The following WAPL variants were observed in gnomAD, a reference collection of about 807,000 sequenced individuals.
WAPL encodes the protein WAPL cohesin release factor.
In WAPL, 5 loss-of-function variants were observed where a neutral mutation model predicts 121.0. The ratio of observed to expected loss-of-function variants is 0.04; its 90% CI spans 0.02 to 0.09. The LOEUF (loss-of-function observed/expected upper bound fraction) is 0.09. Ranked by LOEUF, WAPL falls within the 10% of genes least tolerant of loss-of-function variation. The pLI is 1.00. For synonymous variants in WAPL, 480 were observed against 481.5 expected, an observed-to-expected ratio of 1.00 and a Z score of 0.04; for missense variants, 999 against 1,410.8, an observed-to-expected ratio of 0.71 and a Z score of 4.68.
Position 86,517,913 on chromosome 10 carries a change from G to T in WAPL, c.157C>A (p.Pro53Thr). 1 of 1,614,086 alleles carries T rather than the reference G, an allele frequency of 6.2e-7. No homozygotes were observed. Among genetic ancestry groups the T allele is most frequent in the Non-Finnish European group, 8.5e-7 (1 of 1,180,012 alleles). Reference sequence around the variant, plus strand: ...TTCTTCGGAATTTCTTGGATATCTGGTTTGAAATTGGGCCTCTTCTGCCCT... The same window carrying T: ...TTCTTCGGAATTTCTTGGATATCTGTTTTGAAATTGGGCCTCTTCTGCCCT... ...KLGQKRPNFK[P>T]DIQEIPKKPK... The change falls in exon 2 of 19, where the codon CCA becomes ACA. Residue 53 changes from proline to threonine, a missense_variant. Coordinates refer to ENST00000298767, the MANE Select transcript of WAPL (RefSeq NM_015045.5).
chr10:86,474,099 C>T, intron 4 of WAPL, 126 bp from the exon 5 acceptor site: 1 of 711,104 alleles, frequency 1.4e-6, no homozygotes, highest in Non-Finnish European at 2.4e-6. Flanking sequence ...TATCTGGGAA[C>T]AGTCCCACCA....
At chr10:86,506,517 G>T (rs1312217116) in intron 2 of WAPL, among the ~76,000 whole-genome samples, 1 of 152,354 alleles carries the variant, frequency 6.6e-6, no homozygotes, top group African/African-American at 2.4e-5. Context: ...GCTCACGCCT[G>T]TAATCCCAGC....
intron 2 of WAPL, among the ~76,000 whole-genome samples, chr10:86,505,367 CTCCACCTCCCACGTTCAAGT>C (rs765733114): frequency 1.0e-3 from 128 of 126,954 alleles, no homozygotes; most frequent in Non-Finnish European, 1.8e-3. Context: ...GTGGTGCAGT[CTCCACCTCCCACGTTCAAGT>C]GATATTCTCC....
intron 4 of WAPL, among the ~76,000 whole-genome samples, chr10:86,493,758 T>C (rs1842095017): frequency 6.6e-6 from 1 of 152,002 alleles, no homozygotes; most frequent in Non-Finnish European, 1.5e-5. Flanking sequence ...TCGCTGGACT[T>C]TGGGAGGCCA....
At chr10:86,451,338 A>C (rs1840972753) in intron 15 of WAPL, among the ~76,000 whole-genome samples, 1 of 152,208 alleles carries the variant, frequency 6.6e-6, no homozygotes, top group Admixed American at 6.5e-5. Context: ...AAATAAAGTA[A>C]GAATGCATTC....
At chr10:86,494,441 G>A (rs1307561329) in intron 4 of WAPL, among the ~76,000 whole-genome samples, 1 of 152,078 alleles carries the variant, frequency 6.6e-6, no homozygotes, top group Admixed American at 6.6e-5. Flanking sequence ...AAAACAAAGA[G>A]TAAATCTGTT....
chr10:86,491,133 G>A (rs959664758), intron 4 of WAPL, among the ~76,000 whole-genome samples: 22 of 126,714 alleles, frequency 1.7e-4, no homozygotes, highest in African/African-American at 6.2e-4. Flanking sequence ...TAAACTCATG[G>A]TTCTTTTTTT....
chr10:86,485,362 C>T (rs755805596), intron 4 of WAPL, among the ~76,000 whole-genome samples: 1 of 151,794 alleles, frequency 6.6e-6, no homozygotes, highest in Non-Finnish European at 1.5e-5. Context: ...GGTAAAACCC[C>T]GTCTCTACTA....
At chr10:86,508,758 CT>C (rs34530024) in intron 2 of WAPL, among the ~76,000 whole-genome samples, 185 of 116,758 alleles carry the variant, frequency 1.6e-3, no homozygotes, top group African/African-American at 5.4e-3. Flanking sequence ...ATTGAAAGTT[CT>C]TTTTTTTTTT....
intron 4 of WAPL, among the ~76,000 whole-genome samples, chr10:86,476,951 G>A (rs1407514405): frequency 6.6e-6 from 1 of 152,132 alleles, no homozygotes; most frequent in Non-Finnish European, 1.5e-5. Context: ...TTATGCTGTT[G>A]AACAAGGCAA....
Position 86,452,060 on chromosome 10 carries a change from T to C in WAPL, c.3021A>G (p.Thr1007=), listed in dbSNP as rs1396452438. 3.1e-6 allele frequency: 5 copies of C among 1,614,162 alleles called. No individual in the cohort carries two copies. Among genetic ancestry groups the C allele is most frequent in the South Asian group, 1.1e-5 (1 of 91,074 alleles). Residue 1007 remains threonine, a synonymous_variant, in exon 15 of 19, where the codon ACA becomes ACG. Transcript: ENST00000298767. The part of the protein sequence containing the change: ...RNRHCLVNME[T]SCSFDSSICS... ...AGATGGAAGAATCAAAAGAGCACGATGTTTCCATGTTGACAAGACAGTGCC... is the reference window on the plus strand; with the variant it reads ...AGATGGAAGAATCAAAAGAGCACGACGTTTCCATGTTGACAAGACAGTGCC...
At chr10:86,481,444 G>C (rs577594001) in intron 4 of WAPL, among the ~76,000 whole-genome samples, 1 of 152,158 alleles carries the variant, frequency 6.6e-6, no homozygotes, top group Non-Finnish European at 1.5e-5. Flanking sequence ...CGCGATCTTG[G>C]CTCACTGCAA....
chr10:86,454,259 C>T (rs559397250), intron 12 of WAPL, among the ~76,000 whole-genome samples: 3 of 152,310 alleles, frequency 2.0e-5, no homozygotes, highest in South Asian at 2.1e-4. Context: ...TCACTACCAA[C>T]GTTGACAGTA....
chr10:86,502,734 C>T (rs761435610), intron 2 of WAPL, among the ~76,000 whole-genome samples: 1 of 152,120 alleles, frequency 6.6e-6, no homozygotes, highest in Non-Finnish European at 1.5e-5. Context: ...CATCATTACA[C>T]AGATGAGAAA....
intron 8 of WAPL, among the ~76,000 whole-genome samples, chr10:86,467,946 G>A (rs1841439157): frequency 6.6e-6 from 1 of 151,738 alleles, no homozygotes; most frequent in Admixed American, 6.6e-5. Flanking sequence ...CCAAAATGCT[G>A]GGATAACAGG....
intron 4 of WAPL, among the ~76,000 whole-genome samples, chr10:86,475,426 A>G (rs1841628868): frequency 1.3e-5 from 2 of 152,366 alleles, no homozygotes; most frequent in South Asian, 4.1e-4. Context: ...TCTACATTAA[A>G]AAACTTAACT....
chr10:86,465,723 C>T (rs1402927430), intron 9 of WAPL, among the ~76,000 whole-genome samples: 2 of 152,178 alleles, frequency 1.3e-5, no homozygotes, highest in African/African-American at 4.8e-5. Context: ...TCCCGAGACA[C>T]AGATACGGCT....
At position 86,436,632 on chromosome 10, in the gene WAPL, G is replaced by A. The variant is rs1303887481; in HGVS notation, c.*911C>T. 1 of 152,576 alleles carries A rather than the reference G, an allele frequency of 6.6e-6. No individual in the cohort carries two copies. Among genetic ancestry groups the A allele is most frequent in the African/African-American group, 2.4e-5 (1 of 41,438 alleles). The allele number at this position is 152,576 out of a possible 1,614,324, so 9.5% of individuals were successfully genotyped here. A position where few individuals can be genotyped will look rare whatever the true frequency, so the allele number is the denominator to read the frequency against. The stretch of plus-strand genomic sequence containing the variant: ...TATCTGGAAACAGGAATTCCACATT[G>A]GTGTTTTAGCTTCCTTATATTTATT... On this transcript the variant is annotated 3_prime_UTR_variant, in exon 19 of 19. Coordinates refer to ENST00000298767, the MANE Select transcript of WAPL (RefSeq NM_015045.5).
At chr10:86,488,825 C>A (rs902203074) in intron 4 of WAPL, among the ~76,000 whole-genome samples, 1 of 152,126 alleles carries the variant, frequency 6.6e-6, no homozygotes, top group Non-Finnish European at 1.5e-5. Flanking sequence ...AACTGTAGAA[C>A]AAATGCTATA....
Sources: gnomAD v4.1 joint callset for allele counts (sites outside exome capture counted in the v4.1 genomes callset) on GRCh38, gnomAD v4.1.1 for gene constraint, MANE v1.5 for transcripts, NCBI Gene and HGNC (gene_info 2026-07-23, HGNC 2026-07-21) for gene names.